MAPK8IP3: variants seen among roughly 807,000 people sequenced by gnomAD.
MAPK8IP3 encodes mitogen-activated protein kinase 8 interacting protein 3.
MAPK8IP3 carries 49 observed loss-of-function variants against 157.8 expected under a neutral mutation model. That is an observed-to-expected ratio of 0.31 (90% CI 0.25 to 0.39). MAPK8IP3 has a LOEUF of 0.39. MAPK8IP3 is among the 10% of genes least tolerant of loss of function. The pLI, the probability that MAPK8IP3 is intolerant of heterozygous loss-of-function variation, is 1.00. For missense variants in MAPK8IP3, 1,478 were observed against 1,889.4 expected (o/e 0.78, Z 4.04); for synonymous variants, 897 against 777.7 (o/e 1.15, Z -2.55).
chr16:1,768,789 A>T lies in MAPK8IP3; in HGVS notation c.3979A>T (p.Ile1327Phe), dbSNP rs761316682. The T allele has an allele frequency of 6.2e-6, 10 of 1,612,654 alleles. No individual in the cohort carries two copies. In the South Asian group the frequency reaches 1.1e-4, roughly 18 times the overall value. The change falls in exon 32 of 32, where the codon ATC becomes TTC. Residue 1327 changes from isoleucine to phenylalanine, a missense_variant. Physicochemically the swap from Ile to Phe is conservative, Grantham distance 21 (BLOSUM62 0). Transcript: ENST00000610761. ...GCTGTCCAAGGCAGAGCGCAGTCAC[A>T]TCATCGTGTGGCAGGTGTCCTACAC... ...PVLSKAERSH[I>F]IVWQVSYTPE is the part of the protein sequence containing the mutation.
intron 1 of MAPK8IP3, among the ~76,000 whole-genome samples, chr16:1,723,007 TTTTG>T (rs755148713): frequency 3.6e-4 from 54 of 150,820 alleles, no homozygotes; most frequent in South Asian, 1.1e-3. Context: ...GGCCAATTTT[TTTTG>T]TTTGTTTGTT....
chr16:1,735,466 CGTGTGAGA>C (rs1343541188), intron 4 of MAPK8IP3, among the ~76,000 whole-genome samples: 4 of 98,316 alleles, frequency 4.1e-5, no homozygotes, highest in African/African-American at 1.5e-4. Context: ...TGTGAGCGTC[CGTGTGAGA>C]GTGTGACCGT....
chr16:1,739,357 C>G (rs373384628), intron 4 of MAPK8IP3, among the ~76,000 whole-genome samples: 1 of 132,388 alleles, frequency 7.6e-6, no homozygotes, highest in African/African-American at 2.9e-5. Flanking sequence ...TGTGAGCATC[C>G]GTGTGAGCAT....
chr16:1,757,588 C>T (rs2041684006), intron 8 of MAPK8IP3, among the ~76,000 whole-genome samples: 1 of 152,194 alleles, frequency 6.6e-6, no homozygotes, highest in Non-Finnish European at 1.5e-5. Context: ...CCCAGCCCTC[C>T]TCTGCTTTCT....
chr16:1,763,339 C>T (rs1378864705), intron 16 of MAPK8IP3, among the ~76,000 whole-genome samples: 3 of 152,270 alleles, frequency 2.0e-5, no homozygotes, highest in East Asian at 1.9e-4. Context: ...CTGGTCATGC[C>T]TGTGCCCCGG....
At chr16:1,765,205 C>T (rs1016782453) in intron 20 of MAPK8IP3, 27 bp downstream of exon 20, 1 of 1,572,546 alleles carries the variant, frequency 6.4e-7, no homozygotes, top group African/African-American at 1.3e-5. Context: ...GGCGTTTCCA[C>T]TCGGGCGCCA....
chr16:1,740,122 G>A (rs2040564394), intron 4 of MAPK8IP3, among the ~76,000 whole-genome samples: 2 of 133,658 alleles, frequency 1.5e-5, no homozygotes, highest in Non-Finnish European at 3.2e-5. Context: ...CCGTCCGTGT[G>A]AGCGTGTGAC....
At chr16:1,744,272 A>G in intron 5 of MAPK8IP3, 1 of 985,692 alleles carries the variant, frequency 1.0e-6, no homozygotes. Context: ...GGATGTCCAC[A>G]GAGGCAGAGC....
At chr16:1,726,794 G>A (rs1303219376) in intron 2 of MAPK8IP3, among the ~76,000 whole-genome samples, 2 of 152,202 alleles carry the variant, frequency 1.3e-5, no homozygotes, top group Non-Finnish European at 2.9e-5. Flanking sequence ...CTCTGCCCCA[G>A]CGGGAGCTCA....
intron 1 of MAPK8IP3, chr16:1,707,853 A>G (rs1323663091): frequency 6.6e-6 from 1 of 152,272 alleles, no homozygotes; most frequent in Non-Finnish European, 1.5e-5. Flanking sequence ...AATTCGGCTT[A>G]ACACATTCTT....
chr16:1,716,586 T>A (rs1208659605), intron 1 of MAPK8IP3, among the ~76,000 whole-genome samples: 1 of 151,884 alleles, frequency 6.6e-6, no homozygotes, highest in Non-Finnish European at 1.5e-5. Context: ...TAAGCCACTG[T>A]GCCCAGCCAG....
chr16:1,738,417 C>CATCG (rs2040248435), intron 4 of MAPK8IP3, among the ~76,000 whole-genome samples: 2 of 63,978 alleles, frequency 3.1e-5, no homozygotes, highest in Admixed American at 2.2e-4. Flanking sequence ...TCCGTGTGAG[C>CATCG]GTGTGACCGT....
chr16:1,706,525 G>T lies in MAPK8IP3; in HGVS notation c.186G>T (p.Val62=). ...VKELMPLVVN[V]LENLDSVLSE... is the part of the protein sequence containing the mutation. ...AGCTCATGCCGCTGGTGGTGAACGT[G>T]CTGGAGAACCTAGACTCGGTGCTCA... Residue 62 remains valine (V), a synonymous_variant, in exon 1 of 32, where the codon GTG becomes GTT. Transcript: ENST00000610761. This position sits in a 1 kb window ranked among gnomAD's most constrained non-coding sequence, Gnocchi z 5.1. 6.2e-7 allele frequency: 1 copy of T among 1,614,072 alleles called. No individual in the cohort carries two copies. The highest frequency in any genetic ancestry group is 1.7e-5 in the Admixed American group (1 of 60,028).
chr16:1,749,777 C>T (rs951161717), intron 8 of MAPK8IP3, among the ~76,000 whole-genome samples: 15 of 152,190 alleles, frequency 9.9e-5, no homozygotes, highest in African/African-American at 3.6e-4. Flanking sequence ...CTGGTGTACT[C>T]CTGAGCTGAT....
Position 1,743,271 on chromosome 16 carries a change from TG to T in MAPK8IP3, c.603-58del. ...GAGGTCTGCTTGCCCTGGGAGGGCT[TG>T]GGAAATCTTCACGGCCACCCTCTAA... On this transcript the variant is annotated intron_variant, in intron 4 of 31. Coordinates refer to ENST00000610761, the MANE Select transcript of MAPK8IP3 (RefSeq NM_001318852.2). This position sits in a 1 kb window ranked among gnomAD's most constrained non-coding sequence, Gnocchi z 5.6. 6.8e-7 allele frequency: 1 copy of T among 1,474,844 alleles called. No homozygotes were observed. 91.4% of individuals were successfully genotyped at this position (1,474,844 alleles called of 1,614,324 possible).
chr16:1,737,590 A>G (rs1176253169), intron 4 of MAPK8IP3, among the ~76,000 whole-genome samples: 8 of 58,956 alleles, frequency 1.4e-4, no homozygotes, highest in African/African-American at 3.7e-4. Context: ...GTCCGTGAGC[A>G]TCCGTGTGAG....
chr16:1,736,075 C>T (rs1334170280), intron 4 of MAPK8IP3, among the ~76,000 whole-genome samples: 3 of 81,332 alleles, frequency 3.7e-5, no homozygotes, highest in African/African-American at 1.2e-4. Flanking sequence ...TGTGACCATC[C>T]GTGTGAGAGT....
rs78295619 is a variant in MAPK8IP3, at chr16:1,708,791, A to G, written c.318+2134A>G. On this transcript the variant is annotated intron_variant, in intron 1 of 31. Coordinates refer to ENST00000610761, the MANE Select transcript of MAPK8IP3 (RefSeq NM_001318852.2). ...GCATGGAGGCTATGATTAAACGCTA[A>G]CGGGGCGCCCTTGGAAAGACCTCAG... Among the ~76,000 whole-genome samples, 871 of 152,268 alleles carry G rather than the reference A, an allele frequency of 5.7e-3. 13 individuals are homozygous for G. Among genetic ancestry groups the G allele is most frequent in the African/African-American group, 0.02 (832 of 41,568 alleles).
chr16:1,717,275 A>G (rs921047107), intron 1 of MAPK8IP3, among the ~76,000 whole-genome samples: 6 of 152,046 alleles, frequency 3.9e-5, no homozygotes, highest in Middle Eastern at 3.2e-3. Flanking sequence ...AATTCACCAA[A>G]AAGCAAATTC....
Sources: allele counts gnomAD v4.1 joint callset (sites outside exome capture counted in the v4.1 genomes callset), GRCh38; gene constraint gnomAD v4.1.1; non-coding constraint Gnocchi (gnomAD v3.1); transcripts MANE v1.5; gene names NCBI Gene and HGNC (gene_info 2026-07-23, HGNC 2026-07-21).